BHMT: variants seen among roughly 807,000 people sequenced by gnomAD.
The protein encoded by BHMT is betaine--homocysteine S-methyltransferase.
Under a neutral mutation model 49.5 loss-of-function variants are expected in BHMT, and 38 were observed. That is an observed-to-expected ratio of 0.77 (90% CI 0.59 to 1.01). The LOEUF is 1.01. Ranked by LOEUF, BHMT falls within the 50% of genes least tolerant of loss-of-function variation. The probability of loss-of-function intolerance (pLI) is 0.00; values close to 1 mark genes in which losing one functional copy is unlikely to be tolerated. For missense variants in BHMT, 426 were observed against 495.7 expected (o/e 0.86, Z 1.34); for synonymous variants, 166 against 176.3 (o/e 0.94, Z 0.46).
intron 5 of BHMT, among the ~76,000 whole-genome samples, chr5:79,124,923 A>G (rs1756525435): frequency 6.6e-6 from 1 of 152,208 alleles, no homozygotes. Flanking sequence ...CACGTGTCTA[A>G]AAAACTTTTT....
intron 2 of BHMT, 144 bp downstream of exon 2, chr5:79,116,043 C>G: frequency 1.9e-6 from 2 of 1,047,764 alleles, no homozygotes; most frequent in Non-Finnish European, 2.5e-6. Context: ...ATAGGGAGAC[C>G]TAGTCTCTCA....
chr5:79,116,747 T>G (rs910124782), intron 2 of BHMT, among the ~76,000 whole-genome samples: 10 of 152,232 alleles, frequency 6.6e-5, no homozygotes, highest in African/African-American at 2.4e-4. Flanking sequence ...TACATTTAGC[T>G]TCTATGATTT....
intron 2 of BHMT, among the ~76,000 whole-genome samples, chr5:79,118,713 T>A (rs1051489775): frequency 6.6e-6 from 1 of 152,222 alleles, no homozygotes; most frequent in Non-Finnish European, 1.5e-5. Flanking sequence ...CTTTATTATC[T>A]TTGCTCAGGC....
chr5:79,121,166 A>C, intron 4 of BHMT, 52 bp from the exon 5 acceptor site: 1 of 1,562,764 alleles, frequency 6.4e-7, no homozygotes, highest in Non-Finnish European at 8.7e-7. Context: ...AAAAAAAAAA[A>C]TTGTTTTGGG....
intron 2 of BHMT, among the ~76,000 whole-genome samples, chr5:79,117,989 T>C (rs914034460): frequency 7.9e-5 from 12 of 152,212 alleles, no homozygotes; most frequent in African/African-American, 2.9e-4. Context: ...AAGATGCCTA[T>C]GCCTCACTCC....
rs34004238 is a variant in BHMT at position 79,113,128 on chromosome 5, C to T, written c.33+1210C>T. Among the ~76,000 whole-genome samples, 13 of 152,262 alleles carry T rather than the reference C, an allele frequency of 8.5e-5. No individual in the cohort carries two copies. The East Asian group carries it at 9.6e-4, about 11-fold the overall frequency. ...CTCTACACAAGGAAGAAGGTCAATT[C>T]GGTTACAGATTCTAAATGCAGCATC... On this transcript the variant is annotated intron_variant, in intron 1 of 7. Transcript: ENST00000274353.
rs1043908369 is a variant in BHMT, at chr5:79,131,911, G to A, written c.*795G>A. 6.6e-6 allele frequency: 1 copy of A among 151,676 alleles called. No homozygotes were observed. Among genetic ancestry groups the A allele is most frequent in the African/African-American group, 2.4e-5 (1 of 41,008 alleles). 9.4% of individuals were successfully genotyped at this position (151,676 alleles called of 1,614,324 possible). ...AAAGACATAGACCAATGGGGAGGAG[G>A]GGAGGAGAGATGGATATTTCAGCCC... is the stretch of plus-strand genomic sequence containing the variant. On this transcript the variant is annotated 3_prime_UTR_variant, in exon 8 of 8. Transcript: ENST00000274353.
chr5:79,125,960 C>T (rs1561255339), intron 5 of BHMT, 86 bp from the exon 6 acceptor site: 5 of 1,385,510 alleles, frequency 3.6e-6, no homozygotes, highest in Middle Eastern at 1.9e-4. Flanking sequence ...GAAAAAAGAA[C>T]TTCCTGATTC....
At chr5:79,130,096 C>T (rs1431420803) in intron 7 of BHMT, among the ~76,000 whole-genome samples, 2 of 152,116 alleles carry the variant, frequency 1.3e-5, no homozygotes, top group African/African-American at 4.8e-5. Flanking sequence ...ATCACTTGAA[C>T]CTGGGAGGCG....
chr5:79,117,453 G>A (rs571860613), intron 2 of BHMT, among the ~76,000 whole-genome samples: 1 of 152,078 alleles, frequency 6.6e-6, no homozygotes, highest in South Asian at 2.1e-4. Context: ...TTTGAAGCCC[G>A]CTAATTTAGG....
In BHMT at chr5:79,131,988, T is replaced by C. The variant is rs568685562; in HGVS notation, c.*872T>C. Reference sequence around the variant, plus strand: ...ACCTAGTGCCTCTGGGCCATAAGGCTGAGCAGAGTGAGCTTGTATTAGTTG... The same window carrying C: ...ACCTAGTGCCTCTGGGCCATAAGGCCGAGCAGAGTGAGCTTGTATTAGTTG... On this transcript the variant is annotated 3_prime_UTR_variant, in exon 8 of 8. Transcript: ENST00000274353. 6.6e-6 allele frequency: 1 copy of C among 152,334 alleles called. No homozygotes were observed. Among genetic ancestry groups the C allele is most frequent in the East Asian group, 1.9e-4 (1 of 5,190 alleles). The allele number at this position is 152,334 out of a possible 1,614,324, so 9.4% of individuals were successfully genotyped here. A position where few individuals can be genotyped will look rare whatever the true frequency, so the allele number is the denominator to read the frequency against.
chr5:79,111,919 G>T lies in BHMT; in HGVS notation c.33+1G>T, dbSNP rs1216175760. On this transcript the variant is annotated splice_donor_variant, in intron 1 of 7. Transcript: ENST00000274353. LOFTEE classifies it high-confidence loss of function. ...CGTTGGGGGCAAAAAGGCCAAGAAG[G>T]TGAGTCTCCAGGGGACCCGAGGGCG... 6.2e-7 allele frequency: 1 copy of T among 1,607,126 alleles called. No homozygotes were observed. The highest frequency in any genetic ancestry group is 2.2e-5 in the East Asian group (1 of 44,446).
rs771359725 is a variant in BHMT at position 79,115,900 on chromosome 5, G to A, written c.166+1G>A. 5 of 1,612,828 alleles carry A rather than the reference G, an allele frequency of 3.1e-6. No individual in the cohort carries two copies. The highest frequency in any genetic ancestry group is 1.7e-4 in the Middle Eastern group (1 of 6,052). On this transcript the variant is annotated splice_donor_variant, in intron 2 of 7. Coordinates refer to ENST00000274353, the MANE Select transcript of BHMT (RefSeq NM_001713.3). LOFTEE classifies it high-confidence loss of function. ...GCTGCTGTGGAGCACCCAGAAGCAG[G>A]TTGGTGCAGAGCTCTATTGTAAGTT...
intron 1 of BHMT, among the ~76,000 whole-genome samples, 164 bp from the exon 2 acceptor site, chr5:79,115,603 T>C (rs16876527): frequency 0.052 from 7,903 of 152,258 alleles, 227 homozygotes; most frequent in South Asian, 0.082. Context: ...TTCTGGTTGT[T>C]TGTCTTATAG....
rs774513198 is a variant in BHMT, at chr5:79,127,767, G to A, written c.821G>A (p.Arg274Lys). 6.2e-7 allele frequency: 1 copy of A among 1,614,044 alleles called. No individual in the cohort carries two copies. Among genetic ancestry groups the A allele is most frequent in the South Asian group, 1.1e-5 (1 of 91,078 alleles). The change falls in exon 7 of 8, where the codon AGA (arginine) becomes AAA (lysine). Residue 274 changes from arginine (R) to lysine (K), a missense_variant. Physicochemically the swap from Arg to Lys is conservative, Grantham distance 26. Transcript: ENST00000274353. ...LPEFPFGLEP[R>K]VATRWDIQKY... ...CCACTTATTACAGGACTGGAACCCAGAGTTGCCACCAGATGGGATATTCAA... is the reference window on the plus strand; with the variant it reads ...CCACTTATTACAGGACTGGAACCCAAAGTTGCCACCAGATGGGATATTCAA...
chr5:79,130,671 T>C (rs1756621800), intron 7 of BHMT, among the ~76,000 whole-genome samples: 1 of 121,634 alleles, frequency 8.2e-6, no homozygotes, highest in African/African-American at 2.9e-5. Context: ...TAAGTATTAA[T>C]GTGTGGATAA....
intron 5 of BHMT, among the ~76,000 whole-genome samples, chr5:79,125,312 C>T (rs904501291): frequency 3.3e-5 from 5 of 151,852 alleles, no homozygotes; most frequent in African/African-American, 4.8e-5. Flanking sequence ...AAAAATTAGC[C>T]TGTCGTGGTG....
Position 79,111,850 on chromosome 5 carries a change from G to T in BHMT, c.-36G>T. 1 of 1,610,876 alleles carries T rather than the reference G, an allele frequency of 6.2e-7. No individual in the cohort carries two copies. The highest frequency in any genetic ancestry group is 1.3e-5 in the African/African-American group (1 of 74,906). ...GCGGGAAGGCTCGCCTAGTCGGTCC[G>T]CATCCGTGTCGACCACCTGTCTGGA... On this transcript the variant is annotated 5_prime_UTR_variant, in exon 1 of 8. Transcript: ENST00000274353.
At chr5:79,112,762 G>A (rs1756324197) in intron 1 of BHMT, among the ~76,000 whole-genome samples, 1 of 152,164 alleles carries the variant, frequency 6.6e-6, no homozygotes, top group African/African-American at 2.4e-5. Flanking sequence ...TGTTGGGAGG[G>A]GTATTTTCAG....
Sources: allele counts gnomAD v4.1 joint callset (sites outside exome capture counted in the v4.1 genomes callset), GRCh38; gene constraint gnomAD v4.1.1; transcripts MANE v1.5; gene names NCBI Gene and HGNC (gene_info 2026-07-23, HGNC 2026-07-21).